The following TNFAIP2 variants were observed in gnomAD, a reference collection of about 807,000 sequenced individuals.
TNFAIP2 encodes tumor necrosis factor alpha-induced protein 2.
A neutral mutation model predicts 63.5 loss-of-function variants in TNFAIP2; 47 were observed. The ratio of observed to expected loss-of-function variants is 0.74; its 90% CI spans 0.59 to 0.94. TNFAIP2 has a LOEUF of 0.94. Ranked by LOEUF, TNFAIP2 falls within the 40% of genes least tolerant of loss-of-function variation. The pLI is 0.00. For synonymous variants in TNFAIP2, 405 were observed against 390.2 expected (o/e 1.04, Z -0.45); for missense variants, 787 against 850.2 (o/e 0.93, Z 0.92).
At chr14:103,133,596 G>A in intron 10 of TNFAIP2, 79 bp downstream of exon 10, 1 of 1,574,534 alleles carries the variant, frequency 6.4e-7, no homozygotes, top group Non-Finnish European at 8.6e-7. Flanking sequence ...GTCGGAGATA[G>A]GCCGCTGGTG....
rs1417646903 is a variant in TNFAIP2 at position 103,135,929 on chromosome 14, AGCACC to A, written c.*572_*576del. The A allele has an allele frequency of 7.8e-7, 1 of 1,289,820 alleles. No individual in the cohort carries two copies. The highest frequency in any genetic ancestry group is 5.5e-5 in the East Asian group (1 of 18,066). 79.9% of individuals were successfully genotyped at this position (1,289,820 alleles called of 1,614,324 possible). On this transcript the variant is annotated 3_prime_UTR_variant, in exon 12 of 12. Coordinates refer to ENST00000560869, the MANE Select transcript of TNFAIP2 (RefSeq NM_006291.4). This position sits in a 1 kb window ranked among gnomAD's most constrained non-coding sequence, Gnocchi z 7.6. ...TTTTAGGGTCCTGTGGCGAGCTGTGAGCACCGCCAGCATTAGACGTCACATCCAGG... is the reference window on the plus strand; with the variant it reads ...TTTTAGGGTCCTGTGGCGAGCTGTGAGCCAGCATTAGACGTCACATCCAGG...
Position 103,126,360 on chromosome 14 carries a change from A to C in TNFAIP2, c.-98A>C. ...ATGCTGAAGATGATGACCTTCTTCCAAGGCCTCTAGAGCCATCAGCCTGTG... is the reference window on the plus strand; with the variant it reads ...ATGCTGAAGATGATGACCTTCTTCCCAGGCCTCTAGAGCCATCAGCCTGTG... On this transcript the variant is annotated 5_prime_UTR_variant, in exon 2 of 12. Coordinates refer to ENST00000560869, the MANE Select transcript of TNFAIP2 (RefSeq NM_006291.4). 1.2e-6 allele frequency: 1 copy of C among 813,592 alleles called. No homozygotes were observed. Among genetic ancestry groups the C allele is most frequent in the Non-Finnish European group, 1.9e-6 (1 of 518,156 alleles). 50.4% of individuals were successfully genotyped at this position (813,592 alleles called of 1,614,324 possible).
Position 103,130,094 on chromosome 14 carries a change from CCACAGCGAG to C in TNFAIP2, c.1070_1078del (p.His357_Glu359del). On this transcript the variant is annotated inframe_deletion, in exon 5 of 12. Coordinates refer to ENST00000560869, the MANE Select transcript of TNFAIP2 (RefSeq NM_006291.4). ...CTCCCCAGAGGCTGGACGGCCACTGCCACAGCGAGCTGGCCATCGACATCATCCAGGTAC... is the reference window on the plus strand; with the variant it reads ...CTCCCCAGAGGCTGGACGGCCACTGCCTGGCCATCGACATCATCCAGGTAC... 1 of 1,613,430 alleles carries C rather than the reference CCACAGCGAG, an allele frequency of 6.2e-7. No homozygotes were observed. Among genetic ancestry groups the C allele is most frequent in the Non-Finnish European group, 8.5e-7 (1 of 1,179,856 alleles).
intron 9 of TNFAIP2, 25 bp from the exon 10 acceptor site, chr14:103,133,337 C>G: frequency 6.2e-7 from 1 of 1,607,650 alleles, no homozygotes; most frequent in Non-Finnish European, 8.5e-7. Flanking sequence ...ACAGCTCACA[C>G]GCCCCTGGCT....
At chr14:103,125,731 C>T (rs2087838840) in intron 1 of TNFAIP2, among the ~76,000 whole-genome samples, 1 of 152,234 alleles carries the variant, frequency 6.6e-6, no homozygotes, top group Non-Finnish European at 1.5e-5. Flanking sequence ...CTGCCCCTTT[C>T]ATGGCCCAGC....
rs1182942809 is a variant in TNFAIP2, at chr14:103,135,921, G to A, written c.*561G>A. On this transcript the variant is annotated 3_prime_UTR_variant, in exon 12 of 12. Transcript: ENST00000560869. This position sits in a 1 kb window ranked among gnomAD's most constrained non-coding sequence, Gnocchi z 7.6. ...GCAGGGGCTTTTAGGGTCCTGTGGC[G>A]AGCTGTGAGCACCGCCAGCATTAGA... The A allele has an allele frequency of 2.4e-5, 31 of 1,289,674 alleles. No individual in the cohort carries two copies. The highest frequency in any genetic ancestry group is 2.5e-5 in the Non-Finnish European group (25 of 989,122). The allele number at this position is 1,289,674 out of a possible 1,614,324, so 79.9% of individuals were successfully genotyped here. A position where few individuals can be genotyped will look rare whatever the true frequency, so the allele number is the denominator to read the frequency against.
rs1052823 is a variant in TNFAIP2 at position 103,137,233 on chromosome 14, G to T, written c.*1873G>T. ...ATTTGGGGCCGGCTCTCTTGGGTCC[G>T]TCCCCTTTTCCCAGGTACTGCCTTA... On this transcript the variant is annotated 3_prime_UTR_variant, in exon 12 of 12. Coordinates refer to ENST00000560869, the MANE Select transcript of TNFAIP2 (RefSeq NM_006291.4). 0.15 allele frequency: 22,495 copies of T among 152,318 alleles called. 2,098 individuals are homozygous for T. Among genetic ancestry groups the T allele is most frequent in the African/African-American group, 0.26 (10,942 of 41,490 alleles). The allele number at this position is 152,318 out of a possible 1,614,324, so 9.4% of individuals were successfully genotyped here.
Position 103,127,395 on chromosome 14 carries a change from G to C in TNFAIP2, c.626G>C (p.Gly209Ala), listed in dbSNP as rs867896398. The C allele has an allele frequency of 1.3e-6, 2 of 1,541,832 alleles. No homozygotes were observed. Among genetic ancestry groups the C allele is most frequent in the African/African-American group, 2.7e-5 (2 of 73,452 alleles). ...EERMGQRPAA[G>A]AEVPESVFLH... Reference sequence around the variant, plus strand: ...CGCATGGGCCAGCGGCCGGCCGCGGGCGCCGAGGTCCCCGAGAGCGTCTTT... The same window carrying C: ...CGCATGGGCCAGCGGCCGGCCGCGGCCGCCGAGGTCCCCGAGAGCGTCTTT... Residue 209 changes from glycine (G) to alanine (A), a missense_variant, in exon 3 of 12, where the codon GGC (glycine) becomes GCC (alanine). By Grantham distance (60) the Gly-to-Ala change is moderately conservative. This residue lies in a region of TNFAIP2 where 523 missense variants were observed against 604.1 expected (regional missense o/e 0.87). Coordinates refer to ENST00000560869, the MANE Select transcript of TNFAIP2 (RefSeq NM_006291.4). The surrounding 1 kb of genome is among the most constrained non-coding windows in gnomAD (Gnocchi z 5.1).
At chr14:103,125,055 T>C (rs1468844442) in intron 1 of TNFAIP2, among the ~76,000 whole-genome samples, 1 of 152,222 alleles carries the variant, frequency 6.6e-6, no homozygotes, top group African/African-American at 2.4e-5. Flanking sequence ...AAACACCTCC[T>C]ACTCAGCCTC....
rs2087971881 is a variant in TNFAIP2, at chr14:103,131,481, C to T, written c.1299-158C>T. 6.6e-6 allele frequency among the ~76,000 whole-genome samples: 1 copy of T among 152,062 alleles called. No individual in the cohort carries two copies. The highest frequency in any genetic ancestry group is 6.6e-5 in the Admixed American group (1 of 15,264). On this transcript the variant is annotated intron_variant, in intron 7 of 11. Transcript: ENST00000560869. This position sits in a 1 kb window ranked among gnomAD's most constrained non-coding sequence, Gnocchi z 4.0. The stretch of plus-strand genomic sequence containing the variant: ...ACAAGGGGATGTAGTGGAGGAGTGT[C>T]CTGAGGGCATGGAGAACATGGATGG...
chr14:103,132,609 C>T lies in TNFAIP2; in HGVS notation c.1423-141C>T, dbSNP rs1225183510. 2.3e-6 allele frequency: 3 copies of T among 1,302,650 alleles called. No individual in the cohort carries two copies. The Admixed American group carries it at 6.0e-5, about 26-fold the overall frequency. The allele number at this position is 1,302,650 out of a possible 1,614,324, so 80.7% of individuals were successfully genotyped here. A position where few individuals can be genotyped will look rare whatever the true frequency, so the allele number is the denominator to read the frequency against. On this transcript the variant is annotated intron_variant, in intron 8 of 11. Coordinates refer to ENST00000560869, the MANE Select transcript of TNFAIP2 (RefSeq NM_006291.4). ...CAGGGACCTGAGGTTGGCCCGGGTT[C>T]CCTGGGAGTCCTTGAGTGCCCCCCG...
At position 103,131,675 on chromosome 14, in the gene TNFAIP2, C is replaced by A; in HGVS notation, c.1335C>A (p.Asp445Glu). The A allele has an allele frequency of 1.2e-6, 2 of 1,605,136 alleles. No homozygotes were observed. Among genetic ancestry groups the A allele is most frequent in the Non-Finnish European group, 8.5e-7 (1 of 1,178,930 alleles). Residue 445 changes from aspartate (D) to glutamate (E), a missense_variant, in exon 8 of 12, where the codon GAC becomes GAA. By Grantham distance (45) the Asp-to-Glu change is conservative. Transcript: ENST00000560869. The surrounding 1 kb of genome is among the most constrained non-coding windows in gnomAD (Gnocchi z 4.0). ...SMEQNWQVPQDTLSLLLGPLG... is the reference protein window; with the variant it reads ...SMEQNWQVPQETLSLLLGPLG... ...AGCAGAATTGGCAGGTACCCCAGGA[C>A]ACCCTGAGCCTCCTGCTGGGCCCCC...
intron 2 of TNFAIP2, 28 bp downstream of exon 2, chr14:103,126,720 G>A: frequency 1.9e-6 from 3 of 1,551,772 alleles, no homozygotes; most frequent in Non-Finnish European, 2.6e-6. Context: ...GTTAGAGCTA[G>A]TCTGGGGCCT....
At chr14:103,129,879 G>A (rs1320535929) in intron 4 of TNFAIP2, 25 bp downstream of exon 4, 2 of 1,610,134 alleles carry the variant, frequency 1.2e-6, no homozygotes, top group Non-Finnish European at 1.7e-6. Context: ...GGGCCAGGGA[G>A]GGGCAGGGAG....
Position 103,127,114 on chromosome 14 carries a change from G to A in TNFAIP2, c.345G>A (p.Glu115=), listed in dbSNP as rs2087872403. Reference sequence around the variant, plus strand: ...CGGCGGCGGCGGGCGGTGTGAGCGAGGAGGAGCTGGTGCGGCGCCAGAGCA... The same window carrying A: ...CGGCGGCGGCGGGCGGTGTGAGCGAAGAGGAGCTGGTGCGGCGCCAGAGCA... The part of the protein sequence containing the change: ...AAAAAAGGVS[E]EELVRRQSKV... The change falls in exon 3 of 12, where the codon GAG becomes GAA. Residue 115 remains glutamate, a synonymous_variant. Coordinates refer to ENST00000560869, the MANE Select transcript of TNFAIP2 (RefSeq NM_006291.4). This position sits in a 1 kb window ranked among gnomAD's most constrained non-coding sequence, Gnocchi z 5.1. The A allele has an allele frequency of 2.7e-6, 3 of 1,101,514 alleles. No homozygotes were observed. Among genetic ancestry groups the A allele is most frequent in the South Asian group, 3.6e-5 (1 of 28,030 alleles). 68.2% of individuals were successfully genotyped at this position (1,101,514 alleles called of 1,614,324 possible).
chr14:103,127,080 T>TGGCGGCGGC lies in TNFAIP2; in HGVS notation c.323_331dup (p.Ala108_Ala110dup), dbSNP rs8176385. The TGGCGGCGGC allele has an allele frequency of 3.6e-6, 4 of 1,114,778 alleles. No homozygotes were observed. Among genetic ancestry groups the TGGCGGCGGC allele is most frequent in the East Asian group, 5.1e-5 (1 of 19,588 alleles). The allele number at this position is 1,114,778 out of a possible 1,614,324, so 69.1% of individuals were successfully genotyped here. On this transcript the variant is annotated inframe_insertion, in exon 3 of 12. Coordinates refer to ENST00000560869, the MANE Select transcript of TNFAIP2 (RefSeq NM_006291.4). This position sits in a 1 kb window ranked among gnomAD's most constrained non-coding sequence, Gnocchi z 5.1. ...CCGCTGCTGGCGCTGGAGCGGGAGC[T>TGGCGGCGGC]GGCGGCGGCGGCGGCGGCGGGCGGT...
intron 1 of TNFAIP2, among the ~76,000 whole-genome samples, chr14:103,124,722 C>A (rs1221912443): frequency 1.3e-5 from 2 of 152,234 alleles, no homozygotes; most frequent in Non-Finnish European, 2.9e-5. Context: ...GAAGTTGGGG[C>A]ACCGGGTGGG....
rs2087883307 is a variant in TNFAIP2, at chr14:103,127,462, G to A, written c.693G>A (p.Val231=). The change falls in exon 3 of 12, where the codon GTG becomes GTA. Residue 231 remains valine (V), a synonymous_variant. Coordinates refer to ENST00000560869, the MANE Select transcript of TNFAIP2 (RefSeq NM_006291.4). The surrounding 1 kb of genome is among the most constrained non-coding windows in gnomAD (Gnocchi z 5.1). ...GRTMKEDLEA[V]VERLKPLFPA... ...CCATGAAGGAGGACCTGGAGGCCGT[G>A]GTGGAGCGGCTGAAGCCGCTGTTCC... The A allele has an allele frequency of 1.3e-6, 2 of 1,588,856 alleles. No individual in the cohort carries two copies. The highest frequency in any genetic ancestry group is 1.3e-5 in the African/African-American group (1 of 74,924).
At position 103,135,129 on chromosome 14, in the gene TNFAIP2, C is replaced by T. The variant is rs8176398; in HGVS notation, c.1824-90C>T. 41 of 1,552,606 alleles carry T rather than the reference C, an allele frequency of 2.6e-5. No homozygotes were observed. The highest frequency in any genetic ancestry group is 2.0e-4 in the Admixed American group (12 of 59,530). On this transcript the variant is annotated intron_variant, in intron 11 of 11. Transcript: ENST00000560869. The surrounding 1 kb of genome is among the most constrained non-coding windows in gnomAD (Gnocchi z 7.6). ...CCCTCGTGGGCCGGGCGTTGGCTGTCGGGCCCTGTGGCACTGGCCGGGAGT... is the reference window on the plus strand; with the variant it reads ...CCCTCGTGGGCCGGGCGTTGGCTGTTGGGCCCTGTGGCACTGGCCGGGAGT...
Sources: gnomAD v4.1 joint callset for allele counts (sites outside exome capture counted in the v4.1 genomes callset) on GRCh38, gnomAD v4.1.1 for gene constraint, gnomAD v4.1.1 regional missense constraint, Gnocchi (gnomAD v3.1) non-coding constraint, MANE v1.5 for transcripts, NCBI Gene and HGNC (gene_info 2026-07-23, HGNC 2026-07-21) for gene names.